The following EXOSC9 variants were observed in gnomAD, a reference collection of about 807,000 sequenced individuals.
EXOSC9 encodes exosome component 9.
In EXOSC9, 38 loss-of-function variants were observed where a neutral mutation model predicts 56.5. That is an observed-to-expected ratio of 0.67 (90% CI 0.52 to 0.88). The LOEUF (loss-of-function observed/expected upper bound fraction) is 0.88, where lower values mean the gene tolerates loss of function less well. Among genes scored for constraint, EXOSC9 ranks in the 40% least tolerant of loss-of-function variants. The pLI is 0.00. For synonymous variants in EXOSC9, 170 were observed against 170.8 expected (o/e 0.99, Z 0.04); for missense variants, 559 against 530.5 (o/e 1.05, Z -0.53).
intron 8 of EXOSC9, among the ~76,000 whole-genome samples, chr4:121,812,849 C>CA (rs1724292445): frequency 6.6e-6 from 1 of 151,970 alleles, no homozygotes; most frequent in African/African-American, 2.4e-5. Context: ...TCTAGTAACT[C>CA]AAATTAATGG....
At position 121,816,128 on chromosome 4, in the gene EXOSC9, CTAT is replaced by C. The variant is rs574829896; in HGVS notation, c.1157-236_1157-234del. The C allele has an allele frequency of 1.7e-5, 11 of 635,144 alleles. No homozygotes were observed. Among genetic ancestry groups the C allele is most frequent in the Non-Finnish European group, 2.7e-5 (10 of 371,558 alleles). 39.3% of individuals were successfully genotyped at this position (635,144 alleles called of 1,614,324 possible). A position where few individuals can be genotyped will look rare whatever the true frequency, so the allele number is the denominator to read the frequency against. The stretch of plus-strand genomic sequence containing the variant: ...ATGCCACCACGCCTGGCTAATTTTT[CTAT>C]TATTTTTAATAGAGCTGGGGTTTCA... On this transcript the variant is annotated intron_variant, in intron 10 of 11. Transcript: ENST00000243498.
At chr4:121,808,695 T>TA (rs932892260) in intron 6 of EXOSC9, among the ~76,000 whole-genome samples, 1 of 151,056 alleles carries the variant, frequency 6.6e-6, no homozygotes, top group Non-Finnish European at 1.5e-5. Flanking sequence ...TTTTTTTTTT[T>TA]AAGACAAGGT....
chr4:121,806,246 G>T (rs536178085), intron 5 of EXOSC9, among the ~76,000 whole-genome samples: 1 of 151,836 alleles, frequency 6.6e-6, no homozygotes, highest in African/African-American at 2.4e-5. Context: ...TCCGCCTCCC[G>T]GATTCAAGCG....
intron 10 of EXOSC9, 84 bp from the exon 11 acceptor site, chr4:121,816,273 TTAGAACGTCTGA>T: frequency 2.6e-6 from 2 of 757,074 alleles, no homozygotes; most frequent in Non-Finnish European, 4.1e-6. Flanking sequence ...AAATAAGAGT[TTAGAACGTCTGA>T]TAGAAATAAA....
intron 10 of EXOSC9, chr4:121,815,681 T>C: frequency 1.0e-6 from 1 of 985,748 alleles, no homozygotes; most frequent in Non-Finnish European, 1.2e-6. Context: ...TTTTGGGCAG[T>C]ATTAAAAACA....
intron 10 of EXOSC9, 123 bp downstream of exon 10, chr4:121,814,170 G>A: frequency 1.7e-6 from 1 of 597,584 alleles, no homozygotes; most frequent in South Asian, 2.4e-5. Context: ...GTAATATATA[G>A]CATATTAGCT....
intron 1 of EXOSC9, 84 bp downstream of exon 1, chr4:121,801,574 C>G: frequency 7.7e-7 from 1 of 1,299,204 alleles, no homozygotes; most frequent in Non-Finnish European, 1.1e-6. Flanking sequence ...CGCCTGGGCC[C>G]GGGGAGCTAC....
chr4:121,807,634 CT>C lies in EXOSC9; in HGVS notation c.605+14del. 2 of 1,569,890 alleles carry C rather than the reference CT, an allele frequency of 1.3e-6. No homozygotes were observed. Among genetic ancestry groups the C allele is most frequent in the African/African-American group, 1.4e-5 (1 of 74,062 alleles). ...TTTTTCCAGCAAGGGTAAGCCTCGCCTTATTATGGGCCAAAATTACAAATGC... is the reference window on the plus strand; with the variant it reads ...TTTTTCCAGCAAGGGTAAGCCTCGCCTATTATGGGCCAAAATTACAAATGC... On this transcript the variant is annotated intron_variant, in intron 6 of 11. Transcript: ENST00000243498.
chr4:121,808,039 AGGG>A (rs1239598725), intron 6 of EXOSC9, among the ~76,000 whole-genome samples: 1 of 152,138 alleles, frequency 6.6e-6, no homozygotes, highest in Non-Finnish European at 1.5e-5. Flanking sequence ...GTCGGTTACA[AGGG>A]GGGATGGTTC....
intron 6 of EXOSC9, among the ~76,000 whole-genome samples, chr4:121,809,662 A>T (rs1727147596): frequency 6.6e-6 from 1 of 152,248 alleles, no homozygotes; most frequent in Non-Finnish European, 1.5e-5. Context: ...GTTTTTATTA[A>T]TGAGCCAGAA....
chr4:121,806,528 C>T (rs867458032), intron 5 of EXOSC9, among the ~76,000 whole-genome samples: 7 of 151,354 alleles, frequency 4.6e-5, no homozygotes, highest in Admixed American at 2.0e-4. Context: ...TAAGAATCTA[C>T]GGGAGGAATA....
chr4:121,804,518 T>TTAACAG lies in EXOSC9; in HGVS notation c.385-103_385-98dup. 3 of 752,172 alleles carry TTAACAG rather than the reference T, an allele frequency of 4.0e-6. No individual in the cohort carries two copies. In the Admixed American group the frequency reaches 8.3e-5, roughly 21 times the overall value. The allele number at this position is 752,172 out of a possible 1,614,324, so 46.6% of individuals were successfully genotyped here. A position where few individuals can be genotyped will look rare whatever the true frequency, so the allele number is the denominator to read the frequency against. ...AAAGTACAAGGAGTAACTGCGTGTTTTAACAGCAAGAAAAAATAATTTGTA... is the reference window on the plus strand; with the variant it reads ...AAAGTACAAGGAGTAACTGCGTGTTTTAACAGTAACAGCAAGAAAAAATAATTTGTA... On this transcript the variant is annotated intron_variant, in intron 4 of 11. Transcript: ENST00000243498.
Position 121,813,629 on chromosome 4 carries a change from A to G in EXOSC9, c.975-237A>G, listed in dbSNP as rs979438099. On this transcript the variant is annotated intron_variant, in intron 9 of 11. Transcript: ENST00000243498. The stretch of plus-strand genomic sequence containing the variant: ...AATTTAATTTAGTACTATAACTAAA[A>G]TGTTGAGAGAATCTGTCTCTTCACA... 3 of 534,584 alleles carry G rather than the reference A, an allele frequency of 5.6e-6. No individual in the cohort carries two copies. In the African/African-American group the frequency reaches 5.7e-5, roughly 10 times the overall value. The allele number at this position is 534,584 out of a possible 1,614,324, so 33.1% of individuals were successfully genotyped here.
intron 10 of EXOSC9, chr4:121,814,690 C>G (rs1462351173): frequency 1.3e-5 from 2 of 152,234 alleles, no homozygotes; most frequent in East Asian, 3.9e-4. Context: ...TTAAATTTTA[C>G]TTAATACAAA....
intron 5 of EXOSC9, 22 bp downstream of exon 5, chr4:121,804,781 G>C (rs745429510): frequency 9.7e-6 from 15 of 1,550,326 alleles, no homozygotes; most frequent in Middle Eastern, 3.4e-4. Flanking sequence ...TGTGAACCAG[G>C]ATCCTTGATA....
rs377084779 is a variant in EXOSC9 at position 121,806,112 on chromosome 4, C to T, written c.522+1353C>T. On this transcript the variant is annotated intron_variant, in intron 5 of 11. Coordinates refer to ENST00000243498, the MANE Select transcript of EXOSC9 (RefSeq NM_005033.3). Reference sequence around the variant, plus strand: ...GAGCCACCATGCCCAGCTGAAAACACTCTCTTATATGTACATCTTTCAGCA... The same window carrying T: ...GAGCCACCATGCCCAGCTGAAAACATTCTCTTATATGTACATCTTTCAGCA... Among the ~76,000 whole-genome samples the T allele has an allele frequency of 6.6e-5, 10 of 151,934 alleles. No homozygotes were observed. The East Asian group carries it at 1.6e-3, about 24-fold the overall frequency.
chr4:121,813,750 C>A, intron 9 of EXOSC9, 116 bp from the exon 10 acceptor site: 2 of 731,210 alleles, frequency 2.7e-6, no homozygotes, highest in Non-Finnish European at 4.4e-6. Context: ...TTTTTTTTCC[C>A]CTAGGAACTT....
At chr4:121,816,572 G>T in intron 11 of EXOSC9, 125 bp downstream of exon 11, 1 of 802,008 alleles carries the variant, frequency 1.2e-6, no homozygotes, top group Non-Finnish European at 1.9e-6. Context: ...TTTCATTAGA[G>T]ATCCATCTGT....
chr4:121,816,709 C>CT, intron 11 of EXOSC9, 63 bp from the exon 12 acceptor site: 1 of 1,472,840 alleles, frequency 6.8e-7, no homozygotes, highest in South Asian at 1.4e-5. Flanking sequence ...AGAAATGCCT[C>CT]TTATTTCAAT....
Sources: allele counts gnomAD v4.1 joint callset (sites outside exome capture counted in the v4.1 genomes callset), GRCh38; gene constraint gnomAD v4.1.1; transcripts MANE v1.5; gene names NCBI Gene and HGNC (gene_info 2026-07-23, HGNC 2026-07-21).